The following CADPS2 variants were observed in gnomAD, a reference collection of about 807,000 sequenced individuals.
CADPS2 encodes the protein calcium dependent secretion activator 2.
A neutral mutation model predicts 172.5 loss-of-function variants in CADPS2; 93 were observed. That is an observed-to-expected ratio of 0.54 (90% CI 0.46 to 0.64). The LOEUF is 0.64. Ranked by LOEUF, CADPS2 falls within the 30% of genes least tolerant of loss-of-function variation. The probability of loss-of-function intolerance (pLI) is 0.00; values close to 1 mark genes in which losing one functional copy is unlikely to be tolerated. For synonymous variants in CADPS2, 546 were observed against 555.2 expected, an observed-to-expected ratio of 0.98 and a Z score of 0.23; for missense variants, 1,420 against 1,565.9, an observed-to-expected ratio of 0.91 and a Z score of 1.57.
chr7:122,438,582 TCTGA>T (rs2050957901), intron 16 of CADPS2, 118 bp from the exon 17 acceptor site: 3 of 1,214,546 alleles, frequency 2.5e-6, no homozygotes, highest in Admixed American at 2.1e-5. Flanking sequence ...TTGTCCTTGA[TCTGA>T]CTATTATTAG....
intron 1 of CADPS2, among the ~76,000 whole-genome samples, chr7:122,836,117 C>T (rs2140779043): frequency 6.6e-6 from 1 of 152,134 alleles, no homozygotes; most frequent in East Asian, 1.9e-4. Flanking sequence ...AGAGTGGGGG[C>T]CAATATTCAA....
intron 1 of CADPS2, among the ~76,000 whole-genome samples, chr7:122,830,021 T>TA (rs11380726): frequency 0.37 from 54,283 of 147,726 alleles, 10,085 homozygotes; most frequent in African/African-American, 0.45. Flanking sequence ...AATATCATAT[T>TA]AAAAAAAAAA....
intron 3 of CADPS2, among the ~76,000 whole-genome samples, chr7:122,645,609 C>A (rs1253976594): frequency 7.6e-6 from 1 of 131,824 alleles, no homozygotes; most frequent in East Asian, 2.2e-4. Flanking sequence ...TATATATACA[C>A]ACACACTAAG....
intron 1 of CADPS2, among the ~76,000 whole-genome samples, chr7:122,738,703 T>G (rs1378650571): frequency 1.3e-5 from 2 of 152,022 alleles, no homozygotes; most frequent in African/African-American, 4.8e-5. Flanking sequence ...CTTATTAAAC[T>G]GCCATTCAAA....
intron 25 of CADPS2, among the ~76,000 whole-genome samples, chr7:122,362,146 T>A (rs1476479680): frequency 1.3e-5 from 2 of 149,872 alleles, no homozygotes; most frequent in Non-Finnish European, 1.5e-5. Context: ...GAAAGGGAGG[T>A]GGTGTAACAT....
Position 122,621,646 on chromosome 7 carries a change from C to G in CADPS2, c.939G>C (p.Val313=). 1 of 1,613,746 alleles carries G rather than the reference C, an allele frequency of 6.2e-7. No individual in the cohort carries two copies. The highest frequency in any genetic ancestry group is 8.5e-7 in the Non-Finnish European group (1 of 1,179,686). ...NMYIEELRSS[V]NLLMANLESL... is the part of the protein sequence containing the mutation. Reference sequence around the variant, plus strand: ...TTTCCAAATTGGCCATTAGCAAATTCACTGAAGACCGCAACTCTTCTATAT... The same window carrying G: ...TTTCCAAATTGGCCATTAGCAAATTGACTGAAGACCGCAACTCTTCTATAT... The change falls in exon 5 of 30, where the codon GTG becomes GTC. Residue 313 remains valine, a synonymous_variant. Transcript: ENST00000449022.
At chr7:122,524,268 T>G (rs2061032463) in intron 8 of CADPS2, among the ~76,000 whole-genome samples, 1 of 152,226 alleles carries the variant, frequency 6.6e-6, no homozygotes, top group African/African-American at 2.4e-5. Flanking sequence ...TAACATTACA[T>G]GTAATACAGG....
chr7:122,527,746 C>T (rs1472058156), intron 8 of CADPS2, among the ~76,000 whole-genome samples: 2 of 151,806 alleles, frequency 1.3e-5, no homozygotes, highest in African/African-American at 4.8e-5. Context: ...AGAGGACAGG[C>T]TGTTCCATGA....
intron 1 of CADPS2, among the ~76,000 whole-genome samples, chr7:122,741,691 C>T (rs1010276754): frequency 1.3e-5 from 2 of 152,026 alleles, no homozygotes; most frequent in African/African-American, 4.8e-5. Context: ...TTTCAGATTC[C>T]AGTTGGGCCT....
At chr7:122,680,809 T>G (rs7780855) in intron 2 of CADPS2, among the ~76,000 whole-genome samples, 104 of 152,244 alleles carry the variant, frequency 6.8e-4, no homozygotes, top group South Asian at 2.3e-3. Context: ...AAATCATGCT[T>G]CTATAAAGAC....
In CADPS2 at chr7:122,393,332, A is replaced by G. The variant is rs756194256; in HGVS notation, c.2889-17T>C. 1.2e-5 allele frequency: 20 copies of G among 1,613,818 alleles called. No homozygotes were observed. The highest frequency in any genetic ancestry group is 1.2e-4 in the Admixed American group (7 of 60,002). ...GCGATATTCCTGTAAAGAAACAAACAACGTGGGAAGGGACCACCATAAGCG... is the reference window on the plus strand; with the variant it reads ...GCGATATTCCTGTAAAGAAACAAACGACGTGGGAAGGGACCACCATAAGCG... On this transcript the variant is annotated splice_polypyrimidine_tract_variant and intron_variant, in intron 21 of 29. Coordinates refer to ENST00000449022, the MANE Select transcript of CADPS2 (RefSeq NM_017954.11).
intron 1 of CADPS2, among the ~76,000 whole-genome samples, chr7:122,787,915 G>A (rs987920933): frequency 2.6e-5 from 4 of 152,234 alleles, no homozygotes; most frequent in East Asian, 1.9e-4. Context: ...TAAAAAACTG[G>A]AAAGGCTTTT....
chr7:122,386,917 T>C, intron 24 of CADPS2, 109 bp downstream of exon 24: 1 of 1,112,484 alleles, frequency 9.0e-7, no homozygotes, highest in Non-Finnish European at 1.3e-6. Flanking sequence ...CGTTTGGTGC[T>C]AGAGAACTTG....
intron 6 of CADPS2, among the ~76,000 whole-genome samples, chr7:122,610,377 G>A (rs1040982707): frequency 1.3e-5 from 2 of 151,148 alleles, no homozygotes; most frequent in East Asian, 1.9e-4. Context: ...TTGATCTCAC[G>A]AACCAAATAT....
intron 2 of CADPS2, among the ~76,000 whole-genome samples, chr7:122,666,864 C>T (rs2081245709): frequency 6.6e-6 from 1 of 152,122 alleles, no homozygotes; most frequent in African/African-American, 2.4e-5. Context: ...ACAGCTTCCC[C>T]CTAGAACCCC....
At chr7:122,413,418 A>G (rs1035176022) in intron 19 of CADPS2, among the ~76,000 whole-genome samples, 1 of 152,212 alleles carries the variant, frequency 6.6e-6, no homozygotes, top group Non-Finnish European at 1.5e-5. Context: ...CTGCCTGGTA[A>G]GGTACTGTCA....
rs2061392644 is a variant in CADPS2 at position 122,527,747 on chromosome 7, T to TAAGAGGATA, written c.1476-14433_1476-14432insTATCCTCTT. On this transcript the variant is annotated intron_variant, in intron 8 of 29. Transcript: ENST00000449022. The stretch of plus-strand genomic sequence containing the variant: ...CACAGATAGTGCTAAGAGGACAGGC[T>TAAGAGGATA]GTTCCATGAGAAGATCTTGCCCATG... 2.0e-5 allele frequency among the ~76,000 whole-genome samples: 3 copies of TAAGAGGATA among 152,082 alleles called. No homozygotes were observed. In the South Asian group the frequency reaches 6.2e-4, roughly 32 times the overall value.
Position 122,360,828 on chromosome 7 carries a change from G to A in CADPS2, c.3472-8C>T. The A allele has an allele frequency of 1.9e-6, 3 of 1,571,964 alleles. No individual in the cohort carries two copies. Among genetic ancestry groups the A allele is most frequent in the Non-Finnish European group, 2.6e-6 (3 of 1,158,010 alleles). ...TTTTGCAGCTGCTTTCACCTTAAGT[G>A]TGAAAGAAAGAGATAATCATGAGAA... On this transcript the variant is annotated splice_polypyrimidine_tract_variant and splice_region_variant and intron_variant, in intron 26 of 29. Transcript: ENST00000449022.
chr7:122,713,947 C>G (rs2089198551), intron 2 of CADPS2, among the ~76,000 whole-genome samples: 1 of 152,112 alleles, frequency 6.6e-6, no homozygotes, highest in Non-Finnish European at 1.5e-5. Context: ...ATTAGCTCTG[C>G]TGGCACAATA....
Sources: allele counts gnomAD v4.1 joint callset (sites outside exome capture counted in the v4.1 genomes callset), GRCh38; gene constraint gnomAD v4.1.1; transcripts MANE v1.5; gene names NCBI Gene and HGNC (gene_info 2026-07-23, HGNC 2026-07-21).